The following DIPK1A variants were observed in gnomAD, a reference collection of about 807,000 sequenced individuals.
The protein encoded by DIPK1A is family with sequence similarity 69 member A.
A neutral mutation model predicts 40.8 loss-of-function variants in DIPK1A; 27 were observed. That is an observed-to-expected ratio of 0.66 (90% CI 0.49 to 0.91). The LOEUF (loss-of-function observed/expected upper bound fraction) is 0.91, where lower values mean the gene tolerates loss of function less well. DIPK1A is among the 40% of genes least tolerant of loss of function. The probability of loss-of-function intolerance (pLI) is 0.00; values close to 1 mark genes in which losing one functional copy is unlikely to be tolerated. For synonymous variants in DIPK1A, 166 were observed against 171.3 expected, an observed-to-expected ratio of 0.97 and a Z score of 0.24; for missense variants, 412 against 505.7, an observed-to-expected ratio of 0.81 and a Z score of 1.78.
At position 92,895,129 on chromosome 1, in the gene DIPK1A, A is replaced by G. The variant is rs1317315716; in HGVS notation, c.55-18699T>C. ...AAACTATTCCAATCAATAGAAAAAG[A>G]GGGAATCCTCCCTAACTTATTTTAT... On this transcript the variant is annotated intron_variant, in intron 1 of 4. Transcript: ENST00000370310. Among the ~76,000 whole-genome samples the G allele has an allele frequency of 7.9e-5, 12 of 152,174 alleles. No homozygotes were observed. In the East Asian group the frequency reaches 2.1e-3, roughly 27 times the overall value.
chr1:92,833,710 G>A (rs778112670), intron 4 of DIPK1A: 4 of 1,446,148 alleles, frequency 2.8e-6, no homozygotes, highest in Non-Finnish European at 3.9e-6. Flanking sequence ...GAGAAATTGT[G>A]CTTGGGAAGC....
rs140721723 is a variant in DIPK1A at position 92,940,785 on chromosome 1, C to T, written c.54+20591G>A. 3.9e-5 allele frequency among the ~76,000 whole-genome samples: 6 copies of T among 152,300 alleles called. No homozygotes were observed. In the East Asian group the frequency reaches 1.2e-3, roughly 29 times the overall value. ...ATCATCCAGTTGCTCTGCGTCCTTGCCAGCATTTGGTGTTTTCACTATTTT... is the reference window on the plus strand; with the variant it reads ...ATCATCCAGTTGCTCTGCGTCCTTGTCAGCATTTGGTGTTTTCACTATTTT... On this transcript the variant is annotated intron_variant, in intron 1 of 4. Transcript: ENST00000370310.
intron 1 of DIPK1A, among the ~76,000 whole-genome samples, chr1:92,939,651 T>C (rs1433639157): frequency 2.0e-5 from 3 of 152,136 alleles, no homozygotes; most frequent in Non-Finnish European, 1.5e-5. Context: ...AAAATGATCA[T>C]AGAAAATTTA....
downstream of DIPK1A, chr1:92,842,089 G>A: frequency 1.2e-6 from 1 of 814,884 alleles, no homozygotes; most frequent in Non-Finnish European, 1.7e-6. Context: ...CCTGACAGGA[G>A]TCATTATCCC....
chr1:92,952,576 T>C (rs971159635), intron 1 of DIPK1A, among the ~76,000 whole-genome samples: 3 of 152,112 alleles, frequency 2.0e-5, no homozygotes, highest in African/African-American at 7.2e-5. Context: ...CATTGAGCCA[T>C]GATGACGCCA....
chr1:92,865,813 ATAATAT>A (rs1647508583), intron 2 of DIPK1A, among the ~76,000 whole-genome samples: 1 of 152,226 alleles, frequency 6.6e-6, no homozygotes, highest in Non-Finnish European at 1.5e-5. Flanking sequence ...TCTCAGGAAA[ATAATAT>A]TAATATTCTA....
At chr1:92,840,769 C>T, downstream of DIPK1A, 1 of 774,946 alleles carries the variant, frequency 1.3e-6, no homozygotes, top group Non-Finnish European at 2.3e-6. Flanking sequence ...CGAAGGGAAC[C>T]AGGTTTGCAA....
downstream of DIPK1A, chr1:92,837,421 G>A: frequency 7.7e-6 from 12 of 1,564,284 alleles, no homozygotes; most frequent in Non-Finnish European, 1.1e-5. Context: ...TAAGTTAAGT[G>A]AGTCTATACT....
chr1:92,890,397 T>C (rs1430131926), intron 1 of DIPK1A, among the ~76,000 whole-genome samples: 2 of 152,348 alleles, frequency 1.3e-5, no homozygotes, highest in East Asian at 1.9e-4. Flanking sequence ...TTGTTCCAGA[T>C]CTTAGAGAAA....
downstream of DIPK1A, chr1:92,837,636 A>G: frequency 1.2e-6 from 2 of 1,611,286 alleles, no homozygotes; most frequent in South Asian, 2.2e-5. Context: ...CAGACATGGT[A>G]AAACATTTAC....
At chr1:92,850,018 T>TG in intron 3 of DIPK1A, among the ~76,000 whole-genome samples, 1 of 152,248 alleles carries the variant, frequency 6.6e-6, no homozygotes, top group South Asian at 2.1e-4. Flanking sequence ...TCACCCAGGC[T>TG]GGAGTGCAGT....
intron 4 of DIPK1A, chr1:92,834,921 C>G (rs757380425): frequency 3.1e-6 from 5 of 1,600,318 alleles, no homozygotes; most frequent in South Asian, 1.1e-5. Flanking sequence ...AGGGTATGTA[C>G]AAGATGATTT....
downstream of DIPK1A, chr1:92,841,908 C>A: frequency 7.1e-7 from 1 of 1,404,364 alleles, no homozygotes; most frequent in Non-Finnish European, 1.0e-6. Flanking sequence ...AGATAATAAA[C>A]TTATGAACAG....
intron 1 of DIPK1A, among the ~76,000 whole-genome samples, chr1:92,882,534 CAG>C (rs1267277078): frequency 2.0e-5 from 3 of 152,128 alleles, no homozygotes; most frequent in Admixed American, 6.5e-5. Flanking sequence ...CCCTATAATG[CAG>C]AGTTTGATGT....
chr1:92,863,093 C>T (rs1647352176), intron 2 of DIPK1A, among the ~76,000 whole-genome samples: 1 of 152,138 alleles, frequency 6.6e-6, no homozygotes, highest in Non-Finnish European at 1.5e-5. Context: ...TTTTTATTTG[C>T]TACATCTAGC....
At chr1:92,949,479 G>T (rs1057489434) in intron 1 of DIPK1A, among the ~76,000 whole-genome samples, 6 of 151,762 alleles carry the variant, frequency 4.0e-5, no homozygotes, top group Non-Finnish European at 5.9e-5. Context: ...GTTTTACCAT[G>T]TTGGCCAGGT....
chr1:92,870,596 A>T (rs1434655738), intron 2 of DIPK1A, among the ~76,000 whole-genome samples: 1 of 152,240 alleles, frequency 6.6e-6, no homozygotes, highest in East Asian at 1.9e-4. Context: ...CACTGATAAC[A>T]TACTGCAATT....
intron 4 of DIPK1A, among the ~76,000 whole-genome samples, chr1:92,834,172 A>AG (rs1687026267): frequency 6.6e-6 from 1 of 152,234 alleles, no homozygotes; most frequent in Admixed American, 6.5e-5. Context: ...GTAGAAGAAT[A>AG]GGGTTTGTCC....
intron 4 of DIPK1A, among the ~76,000 whole-genome samples, chr1:92,835,498 T>C (rs1342065371): frequency 7.3e-6 from 1 of 136,846 alleles, no homozygotes; most frequent in Non-Finnish European, 1.6e-5. Context: ...ACTAAAAAAG[T>C]AGAAAAAAAA....
Sources: allele counts gnomAD v4.1 joint callset (sites outside exome capture counted in the v4.1 genomes callset), GRCh38; gene constraint gnomAD v4.1.1; transcripts MANE v1.5; gene names NCBI Gene and HGNC (gene_info 2026-07-23, HGNC 2026-07-21).